SPATA6L: variants seen among roughly 807,000 people sequenced by gnomAD.
SPATA6L encodes the protein spermatogenesis associated 6-like protein.
In SPATA6L, 68 loss-of-function variants were observed where a neutral mutation model predicts 49.2. The observed-to-expected ratio is 1.38, with a 90% CI of 1.14 to 1.69. SPATA6L has a LOEUF of 1.69. Among genes scored for constraint, SPATA6L ranks in the 40% most tolerant of loss-of-function variants. SPATA6L has a pLI of 0.00. For synonymous variants in SPATA6L, 198 were observed against 165.7 expected (o/e 1.19, Z -1.50); for missense variants, 668 against 464.3 (o/e 1.44, Z -4.03).
chr9:4,603,612 G>C (rs762725198), intron 11 of SPATA6L, among the ~76,000 whole-genome samples: 1 of 152,138 alleles, frequency 6.6e-6, no homozygotes, highest in Non-Finnish European at 1.5e-5. Flanking sequence ...TGCGTATAAA[G>C]CAGTGAACAA....
chr9:4,591,427 G>T (rs532949564), intron 13 of SPATA6L, among the ~76,000 whole-genome samples: 1 of 152,192 alleles, frequency 6.6e-6, no homozygotes, highest in South Asian at 2.1e-4. Flanking sequence ...TCCTGTCCGG[G>T]TCTTTAGGAA....
intron 7 of SPATA6L, among the ~76,000 whole-genome samples, chr9:4,621,747 C>T (rs990036319): frequency 5.9e-5 from 9 of 152,278 alleles, no homozygotes; most frequent in African/African-American, 2.2e-4. Flanking sequence ...CTCGGCCTCC[C>T]GAAGTGCTGG....
chr9:4,644,588 T>C (rs1464091863), intron 3 of SPATA6L, among the ~76,000 whole-genome samples: 3 of 152,022 alleles, frequency 2.0e-5, no homozygotes, highest in Non-Finnish European at 4.4e-5. Flanking sequence ...GCTGTTTTCA[T>C]TTTGAGAAAG....
chr9:4,590,687 C>G (rs188834622), intron 13 of SPATA6L, among the ~76,000 whole-genome samples: 1 of 152,154 alleles, frequency 6.6e-6, no homozygotes, highest in Non-Finnish European at 1.5e-5. Flanking sequence ...GCTCTGGCCC[C>G]GCGGGGACAA....
intron 9 of SPATA6L, among the ~76,000 whole-genome samples, chr9:4,607,753 C>A (rs1046456887): frequency 6.6e-6 from 1 of 152,122 alleles, no homozygotes; most frequent in African/African-American, 2.4e-5. Flanking sequence ...GCAAAATAAC[C>A]AGCTAACATC....
At chr9:4,643,004 TA>T (rs1366457351) in intron 3 of SPATA6L, among the ~76,000 whole-genome samples, 1 of 152,144 alleles carries the variant, frequency 6.6e-6, no homozygotes, top group Non-Finnish European at 1.5e-5. Flanking sequence ...GGATAAAATA[TA>T]TTTTTATCTA....
chr9:4,663,008 C>T (rs1377646866), intron 1 of SPATA6L: 1 of 1,611,642 alleles, frequency 6.2e-7, no homozygotes, highest in African/African-American at 1.3e-5. Flanking sequence ...ACTCCTTCCC[C>T]TCGGGCCATG....
intron 13 of SPATA6L, among the ~76,000 whole-genome samples, chr9:4,590,688 G>A (rs758352486): frequency 1.8e-4 from 28 of 152,214 alleles, no homozygotes; most frequent in Admixed American, 7.2e-4. Flanking sequence ...CTCTGGCCCC[G>A]CGGGGACAAC....
chr9:4,641,139 G>T (rs899967632), intron 3 of SPATA6L, among the ~76,000 whole-genome samples: 1 of 152,066 alleles, frequency 6.6e-6, no homozygotes, highest in Non-Finnish European at 1.5e-5. Context: ...ACTGTCATAT[G>T]TCTTTCAAGA....
chr9:4,604,256 G>C lies in SPATA6L; in HGVS notation c.1103C>G (p.Ser368Cys), dbSNP rs368926781. The change falls in exon 11 of 12, where the codon TCT becomes TGT. Residue 368 changes from serine (S) to cysteine (C), a missense_variant. Transcript: ENST00000682582. ...QLHQNKEDST[S>C]EVNYIIERPS... ...TCTTTCAATGATATAATTTACTTCA[G>C]AGGTAGAATCTTCCTACAATAAAAA... 24 of 1,608,220 alleles carry C rather than the reference G, an allele frequency of 1.5e-5. No individual in the cohort carries two copies. Among genetic ancestry groups the C allele is most frequent in the Non-Finnish European group, 2.0e-5 (24 of 1,175,268 alleles).
At chr9:4,641,603 C>T (rs1024656727) in intron 3 of SPATA6L, among the ~76,000 whole-genome samples, 1 of 152,122 alleles carries the variant, frequency 6.6e-6, no homozygotes, top group African/African-American at 2.4e-5. Context: ...CATCATAGGC[C>T]TAACTACATT....
At chr9:4,633,465 T>G (rs1458071786) in intron 4 of SPATA6L, 1 of 155,256 alleles carries the variant, frequency 6.4e-6, no homozygotes. Context: ...CACTTTTCAA[T>G]CACTCTAAAA....
At chr9:4,619,746 G>A (rs1423730381) in intron 7 of SPATA6L, among the ~76,000 whole-genome samples, 1 of 151,964 alleles carries the variant, frequency 6.6e-6, no homozygotes, top group East Asian at 1.9e-4. Flanking sequence ...GAGAAATATA[G>A]AACATAGCAA....
chr9:4,629,138 T>C lies in SPATA6L; in HGVS notation c.382A>G (p.Arg128Gly). 1 of 1,611,676 alleles carries C rather than the reference T, an allele frequency of 6.2e-7. No individual in the cohort carries two copies. The highest frequency in any genetic ancestry group is 8.5e-7 in the Non-Finnish European group (1 of 1,179,296). ...AACACACATTCTCTGATGGCTGTCC[T>C]TGTAGAAAACTCTATTTTGGGAGCA... ...GIAPKIEFSTRTAIRECVFLH... is the reference protein window; with the variant it reads ...GIAPKIEFSTGTAIRECVFLH... The change falls in exon 5 of 12, where the codon AGG (arginine) becomes GGG (glycine). Residue 128 changes from arginine to glycine, a missense_variant. By Grantham distance (125) the Arg-to-Gly change is moderately radical (BLOSUM62 -2). Coordinates refer to ENST00000682582, the MANE Select transcript of SPATA6L (RefSeq NM_001353486.2).
At chr9:4,606,849 C>A (rs200754174) in intron 9 of SPATA6L, among the ~76,000 whole-genome samples, 1 of 146,596 alleles carries the variant, frequency 6.8e-6, no homozygotes, top group Non-Finnish European at 1.5e-5. Flanking sequence ...TTACTCTGAG[C>A]TACGGGAGGA....
intron 3 of SPATA6L, among the ~76,000 whole-genome samples, chr9:4,638,051 T>G (rs2130595469): frequency 6.6e-6 from 1 of 152,342 alleles, no homozygotes; most frequent in East Asian, 1.9e-4. Flanking sequence ...GTGAAGAAGA[T>G]AAATATAATC....
At chr9:4,605,698 C>T (rs929838771) in intron 9 of SPATA6L, among the ~76,000 whole-genome samples, 3 of 152,140 alleles carry the variant, frequency 2.0e-5, no homozygotes, top group African/African-American at 4.8e-5. Flanking sequence ...CTTCTTTGTA[C>T]TTTCCTGTGT....
chr9:4,628,362 T>C (rs1214982763), intron 5 of SPATA6L: 2 of 152,750 alleles, frequency 1.3e-5, no homozygotes, highest in Non-Finnish European at 2.9e-5. Flanking sequence ...ATATCTCATG[T>C]ACCCCATAAA....
chr9:4,616,832 A>G (rs1828133848), intron 9 of SPATA6L, among the ~76,000 whole-genome samples: 2 of 152,072 alleles, frequency 1.3e-5, no homozygotes, highest in South Asian at 4.1e-4. Context: ...TGATCCACCC[A>G]CCTTGGCCTC....
Sources: allele counts gnomAD v4.1 joint callset (sites outside exome capture counted in the v4.1 genomes callset), GRCh38; gene constraint gnomAD v4.1.1; transcripts MANE v1.5; gene names NCBI Gene and HGNC (gene_info 2026-07-23, HGNC 2026-07-21).